The following PCDHA13 variants were observed in gnomAD, a reference collection of about 807,000 sequenced individuals.
The protein encoded by PCDHA13 is protocadherin alpha-13.
In PCDHA13, 54 loss-of-function variants were observed where a neutral mutation model predicts 64.8. The observed-to-expected ratio is 0.83, with a 90% confidence interval of 0.67 to 1.04. The LOEUF is 1.04. PCDHA13 is among the 50% of genes least tolerant of loss of function. The pLI is 0.00. For missense variants in PCDHA13, 1,248 were observed against 1,254.3 expected, an observed-to-expected ratio of 0.99 and a Z score of 0.08; for synonymous variants, 587 against 564.4, an observed-to-expected ratio of 1.04 and a Z score of -0.57.
In PCDHA13 at chr5:140,883,629, C is replaced by T. The variant is rs1467301210; in HGVS notation, c.1361C>T (p.Ala454Val). ...GCCGACGTGAACGACAACGCGCCGGCGTTCGCGCAGCCCGAGTACACGGTG... is the reference window on the plus strand; with the variant it reads ...GCCGACGTGAACGACAACGCGCCGGTGTTCGCGCAGCCCGAGTACACGGTG... ...GVADVNDNAP[A>V]FAQPEYTVFV... is the part of the protein sequence containing the mutation. The change falls in exon 1 of 4, where the codon GCG becomes GTG. Residue 454 changes from alanine (A) to valine (V), a missense_variant. Transcript: ENST00000289272. 6.2e-7 allele frequency: 1 copy of T among 1,613,868 alleles called. No individual in the cohort carries two copies. Among genetic ancestry groups the T allele is most frequent in the African/African-American group, 1.3e-5 (1 of 74,936 alleles).
At chr5:140,972,660 A>ATTTTTT (rs11350929) in intron 1 of PCDHA13, among the ~76,000 whole-genome samples, 2 of 117,268 alleles carry the variant, frequency 1.7e-5, no homozygotes, top group African/African-American at 3.3e-5. Context: ...AAGAAACCAA[A>ATTTTTT]TTTTTTTTTT....
At chr5:140,969,112 A>G (rs781784282) in intron 1 of PCDHA13, 4 of 1,614,022 alleles carry the variant, frequency 2.5e-6, no homozygotes, top group Admixed American at 3.3e-5. Context: ...TTGAAGTTCG[A>G]GGGAATGGCT....
At chr5:140,953,228 G>C (rs2094861370) in intron 1 of PCDHA13, among the ~76,000 whole-genome samples, 2 of 152,124 alleles carry the variant, frequency 1.3e-5, no homozygotes, top group African/African-American at 4.8e-5. Context: ...CTTCTGCTTG[G>C]TAGCAGTTCA....
intron 1 of PCDHA13, among the ~76,000 whole-genome samples, chr5:140,885,206 A>G (rs1304868227): frequency 1.3e-5 from 2 of 152,038 alleles, no homozygotes; most frequent in Non-Finnish European, 2.9e-5. Context: ...CATATATCCC[A>G]TGAAAAATAT....
intron 1 of PCDHA13, among the ~76,000 whole-genome samples, chr5:140,974,081 C>T (rs1432185201): frequency 6.6e-6 from 1 of 152,196 alleles, no homozygotes; most frequent in African/African-American, 2.4e-5. Context: ...ATAACCATGA[C>T]TTCAAAAATC....
intron 1 of PCDHA13, 127 bp from the exon 2 acceptor site, chr5:140,978,822 A>G: frequency 6.6e-7 from 1 of 1,521,216 alleles, no homozygotes; most frequent in Non-Finnish European, 8.8e-7. Context: ...GTTACACATG[A>G]AATGGCTCAT....
chr5:140,971,642 A>G (rs1586490477), intron 1 of PCDHA13, among the ~76,000 whole-genome samples: 1 of 152,330 alleles, frequency 6.6e-6, no homozygotes, highest in East Asian at 1.9e-4. Flanking sequence ...ATGTGCCTAC[A>G]TTAAAAGTAG....
intron 3 of PCDHA13, among the ~76,000 whole-genome samples, chr5:141,006,294 C>T (rs2098266534): frequency 6.6e-6 from 1 of 152,048 alleles, no homozygotes; most frequent in African/African-American, 2.4e-5. Flanking sequence ...TCACTGCAAG[C>T]TCCACTTCCC....
intron 2 of PCDHA13, among the ~76,000 whole-genome samples, chr5:140,981,645 A>G (rs2096941816): frequency 6.6e-6 from 1 of 152,126 alleles, no homozygotes; most frequent in Admixed American, 6.6e-5. Context: ...TTCTCTTAGG[A>G]TCCCACTTAT....
chr5:140,956,710 CAGA>C (rs1554222572), intron 1 of PCDHA13, among the ~76,000 whole-genome samples: 1 of 152,144 alleles, frequency 6.6e-6, no homozygotes, highest in Non-Finnish European at 1.5e-5. Flanking sequence ...GGAATAGCTT[CAGA>C]AGAATTGGTA....
At chr5:140,995,390 C>A (rs1198231096) in intron 3 of PCDHA13, among the ~76,000 whole-genome samples, 1 of 152,088 alleles carries the variant, frequency 6.6e-6, no homozygotes, top group Non-Finnish European at 1.5e-5. Flanking sequence ...CAGGATAAAG[C>A]GGGATGGCTC....
At chr5:140,926,788 G>A in intron 1 of PCDHA13, 26 of 1,427,398 alleles carry the variant, frequency 1.8e-5, no homozygotes, top group Non-Finnish European at 2.4e-5. Flanking sequence ...ACGGCCGGCA[G>A]GAGCGTGCTC....
At chr5:140,910,116 A>C (rs1205054200) in intron 1 of PCDHA13, among the ~76,000 whole-genome samples, 1 of 152,222 alleles carries the variant, frequency 6.6e-6, no homozygotes, top group Non-Finnish European at 1.5e-5. Flanking sequence ...AAGGGATTCT[A>C]GGTCTGTAAA....
intron 1 of PCDHA13, among the ~76,000 whole-genome samples, chr5:140,960,579 C>G (rs2095556928): frequency 6.6e-6 from 1 of 152,052 alleles, no homozygotes; most frequent in South Asian, 2.1e-4. Context: ...AGTTGGAAAA[C>G]AGTTCAAATT....
chr5:140,931,049 A>G (rs1165336064), intron 1 of PCDHA13, among the ~76,000 whole-genome samples: 1 of 152,226 alleles, frequency 6.6e-6, no homozygotes, highest in Non-Finnish European at 1.5e-5. Flanking sequence ...AAAAACTTCA[A>G]TGCTGTGTCT....
At position 140,942,589 on chromosome 5, in the gene PCDHA13, T is replaced by A. The variant is rs1444015331; in HGVS notation, c.2395-36360T>A. On this transcript the variant is annotated intron_variant, in intron 1 of 3. Coordinates refer to ENST00000289272, the MANE Select transcript of PCDHA13 (RefSeq NM_018904.3). ...AAATCTTCCCATATAGGATGTCACA[T>A]ATAATTATAGTGTTTATATTTGCCA... Among the ~76,000 whole-genome samples, 4 of 148,934 alleles carry A rather than the reference T, an allele frequency of 2.7e-5. No homozygotes were observed. In the Admixed American group the frequency reaches 2.7e-4, roughly 10 times the overall value.
chr5:140,927,086 A>G (rs2083826085), intron 1 of PCDHA13: 5 of 1,612,296 alleles, frequency 3.1e-6, no homozygotes, highest in Non-Finnish European at 3.4e-6. Context: ...CGCGAGCTCT[A>G]CTTCGGGGTG....
In PCDHA13 at chr5:140,967,305, A is replaced by G. The variant is rs782005994; in HGVS notation, c.2395-11644A>G. On this transcript the variant is annotated intron_variant, in intron 1 of 3. Transcript: ENST00000289272. ...GCGCAGGACCCCGACGTGGGCGCCA[A>G]CTCAGTACAGACCTACGAGCTCAGC... The G allele has an allele frequency of 5.7e-5, 92 of 1,612,346 alleles. 1 individual carries two copies. The South Asian group carries it at 9.7e-4, about 17-fold the overall frequency.
chr5:141,007,679 T>A (rs1362984196), intron 3 of PCDHA13, among the ~76,000 whole-genome samples: 2 of 152,186 alleles, frequency 1.3e-5, no homozygotes, highest in Admixed American at 6.5e-5. Context: ...ACAAAAGTTA[T>A]CCTACTTCCA....
Sources: gnomAD v4.1 joint callset for allele counts (sites outside exome capture counted in the v4.1 genomes callset) on GRCh38, gnomAD v4.1.1 for gene constraint, MANE v1.5 for transcripts, NCBI Gene and HGNC (gene_info 2026-07-23, HGNC 2026-07-21) for gene names.